ACYP2: variants seen among roughly 807,000 people sequenced by gnomAD.
ACYP2 encodes acylphosphatase-2.
In ACYP2, 12 loss-of-function variants were observed where a neutral mutation model predicts 11.2. That is an observed-to-expected ratio of 1.08 (90% CI 0.69 to 1.74). The LOEUF (loss-of-function observed/expected upper bound fraction) is 1.74, where lower values mean the gene tolerates loss of function less well. Among genes scored for constraint, ACYP2 ranks in the 40% most tolerant of loss-of-function variants. The pLI is 0.00. For synonymous variants in ACYP2, 43 were observed against 32.2 expected (o/e 1.33, Z -1.13); for missense variants, 134 against 101.9 (o/e 1.31, Z -1.35).
intron 6 of ACYP2, among the ~76,000 whole-genome samples, chr2:54,202,644 G>T (rs1684897037): frequency 6.9e-6 from 1 of 145,428 alleles, no homozygotes; most frequent in East Asian, 2.1e-4. Flanking sequence ...CTGACCTCAG[G>T]TGATCCATCT....
chr2:54,075,458 A>C (rs1677279626), intron 4 of ACYP2, among the ~76,000 whole-genome samples: 1 of 151,258 alleles, frequency 6.6e-6, no homozygotes, highest in African/African-American at 2.4e-5. Flanking sequence ...AGATGGCACC[A>C]CTGCATCCTA....
At chr2:54,204,038 C>A (rs1215143) in intron 6 of ACYP2, among the ~76,000 whole-genome samples, 88,229 of 151,968 alleles carry the variant, frequency 0.58, 26,029 homozygotes, top group African/African-American at 0.68. Flanking sequence ...TCTGTCACCC[C>A]GGCTGGAGTG....
intron 2 of ACYP2, among the ~76,000 whole-genome samples, chr2:53,994,211 C>T (rs1558459210): frequency 6.6e-6 from 1 of 151,434 alleles, no homozygotes; most frequent in Non-Finnish European, 1.5e-5. Context: ...GCGCCTGTAG[C>T]CCCAGCTACT....
chr2:54,122,942 A>G (rs1680244019), intron 4 of ACYP2, among the ~76,000 whole-genome samples: 1 of 152,204 alleles, frequency 6.6e-6, no homozygotes, highest in Non-Finnish European at 1.5e-5. Flanking sequence ...TCTGCAGGTA[A>G]GTGGACTTTA....
At chr2:54,288,993 C>G (rs548433510) in intron 6 of ACYP2, among the ~76,000 whole-genome samples, 7 of 151,962 alleles carry the variant, frequency 4.6e-5, no homozygotes, top group African/African-American at 1.2e-4. Flanking sequence ...GCCTCATCAT[C>G]TAAAAGTCAT....
chr2:54,048,388 T>C (rs1356103550), intron 2 of ACYP2, among the ~76,000 whole-genome samples: 1 of 152,156 alleles, frequency 6.6e-6, no homozygotes, highest in Non-Finnish European at 1.5e-5. Context: ...ATTGTGCCAC[T>C]ACATTCCAGC....
chr2:54,278,441 G>A (rs769265747), intron 6 of ACYP2, among the ~76,000 whole-genome samples: 4 of 152,192 alleles, frequency 2.6e-5, no homozygotes, highest in Admixed American at 6.5e-5. Context: ...AAAAAGTATA[G>A]TAACTTTTGT....
intron 6 of ACYP2, among the ~76,000 whole-genome samples, chr2:54,203,250 AATTTT>A (rs139281014): frequency 0.017 from 2,656 of 152,170 alleles, 80 homozygotes; most frequent in African/African-American, 0.059. Flanking sequence ...TTATTTGCTT[AATTTT>A]ATTTTAAGAT....
intron 2 of ACYP2, among the ~76,000 whole-genome samples, chr2:53,974,206 G>C (rs1245433207): frequency 6.6e-6 from 1 of 152,004 alleles, no homozygotes; most frequent in Non-Finnish European, 1.5e-5. Context: ...GAGCCACTGA[G>C]CCCGGCCATA....
At chr2:54,000,673 A>G (rs1319792181) in intron 2 of ACYP2, among the ~76,000 whole-genome samples, 1 of 152,224 alleles carries the variant, frequency 6.6e-6, no homozygotes, top group African/African-American at 2.4e-5. Context: ...GAGTTGCAAC[A>G]GGTTTTTTTC....
At chr2:54,035,009 C>CAAAAAAGAAAAAAAAAAAAAAAAAAA (rs1674803909) in intron 2 of ACYP2, among the ~76,000 whole-genome samples, 1 of 44,748 alleles carries the variant, frequency 2.2e-5, no homozygotes, top group African/African-American at 6.0e-5. Context: ...GACTACATCT[C>CAAAAAAGAAAAAAAAAAAAAAAAAAA]AAAAAAAAAA....
chr2:54,035,561 G>A (rs1025594929), intron 2 of ACYP2, among the ~76,000 whole-genome samples: 2 of 151,952 alleles, frequency 1.3e-5, no homozygotes, highest in Non-Finnish European at 2.9e-5. Flanking sequence ...CACCGCTCCC[G>A]GCCTAGAGAC....
chr2:54,061,934 G>T (rs188508442), intron 4 of ACYP2, among the ~76,000 whole-genome samples: 1 of 152,078 alleles, frequency 6.6e-6, no homozygotes, highest in Non-Finnish European at 1.5e-5. Flanking sequence ...TTAACAGGGC[G>T]CAGATTACAG....
intron 2 of ACYP2, among the ~76,000 whole-genome samples, chr2:54,010,535 T>C (rs1433472902): frequency 2.0e-5 from 3 of 151,992 alleles, no homozygotes; most frequent in Non-Finnish European, 4.4e-5. Flanking sequence ...TTATTGTACA[T>C]TGTATGCCTG....
chr2:54,039,819 T>TGTGTGTGTGTGTG (rs1675125815), intron 2 of ACYP2, among the ~76,000 whole-genome samples: 1 of 126,608 alleles, frequency 7.9e-6, no homozygotes, highest in Admixed American at 8.3e-5. Context: ...TTGTTTTCTT[T>TGTGTGTGTGTGTG]TGTGTGTGTG....
chr2:54,185,953 A>C (rs1683970632), intron 6 of ACYP2, among the ~76,000 whole-genome samples: 1 of 151,702 alleles, frequency 6.6e-6, no homozygotes. Context: ...AAATATATGT[A>C]TTATAAATAT....
chr2:54,185,412 T>A (rs1683936803), intron 6 of ACYP2, among the ~76,000 whole-genome samples: 1 of 152,194 alleles, frequency 6.6e-6, no homozygotes, highest in South Asian at 2.1e-4. Flanking sequence ...CATGTGTTAT[T>A]CAGTGGTATT....
chr2:54,153,023 A>C (rs1682253660), intron 6 of ACYP2, among the ~76,000 whole-genome samples: 1 of 152,158 alleles, frequency 6.6e-6, no homozygotes, highest in Non-Finnish European at 1.5e-5. Flanking sequence ...GTATTTTTTC[A>C]AAATTATAAT....
chr2:54,253,759 C>T (rs1244929701), intron 6 of ACYP2: 1 of 152,178 alleles, frequency 6.6e-6, no homozygotes, highest in African/African-American at 2.4e-5. Context: ...TCATTCCATA[C>T]AGCTCTGTAG....
Sources: allele counts gnomAD v4.1 joint callset (sites outside exome capture counted in the v4.1 genomes callset), GRCh38; gene constraint gnomAD v4.1.1; transcripts MANE v1.5; gene names NCBI Gene and HGNC (gene_info 2026-07-23, HGNC 2026-07-21).